The following CHRND variants were observed in gnomAD, a reference collection of about 807,000 sequenced individuals.
The protein encoded by CHRND is acetylcholine receptor subunit delta.
In CHRND, 40 loss-of-function variants were observed where a neutral mutation model predicts 57.8. The observed-to-expected ratio is 0.69, with a 90% CI of 0.54 to 0.90. The LOEUF (loss-of-function observed/expected upper bound fraction) is 0.90, where lower values mean the gene tolerates loss of function less well. CHRND is among the 40% of genes least tolerant of loss of function. CHRND has a pLI of 0.00. For synonymous variants in CHRND, 237 were observed against 270.6 expected (o/e 0.88, Z 1.22); for missense variants, 634 against 673.9 (o/e 0.94, Z 0.66).
rs1347024093 is a variant in CHRND, at chr2:232,536,051, T to G, written c.*739T>G. The G allele has an allele frequency of 1.3e-5, 6 of 454,140 alleles. No homozygotes were observed. In the East Asian group the frequency reaches 4.2e-4, roughly 32 times the overall value. 28.1% of individuals were successfully genotyped at this position (454,140 alleles called of 1,614,324 possible). On this transcript the variant is annotated 3_prime_UTR_variant, in exon 12 of 12. Coordinates refer to ENST00000258385, the MANE Select transcript of CHRND (RefSeq NM_000751.3). ...TTTGGGGCATACATATTCTAAAAAA[T>G]CATTCGTTGTTTCTCTGAAATTTGT... is the stretch of plus-strand genomic sequence containing the variant.
chr2:232,528,578 C>T lies in CHRND; in HGVS notation c.431C>T (p.Pro144Leu), dbSNP rs745504192. 4 of 1,614,142 alleles carry T rather than the reference C, an allele frequency of 2.5e-6. No homozygotes were observed. The Admixed American group carries it at 6.7e-5, about 27-fold the overall frequency. Residue 144 changes from proline (P) to leucine (L), a missense_variant, in exon 5 of 12, where the codon CCT (proline) becomes CTT (leucine). Pro to Leu is a moderately conservative substitution (Grantham distance 98, BLOSUM62 -3). Coordinates refer to ENST00000258385, the MANE Select transcript of CHRND (RefSeq NM_000751.3). ...YHYGFVYWLP[P>L]AIFRSSCPIS... ...TACGGCTTCGTGTACTGGCTGCCAC[C>T]TGCCATCTTCCGCTCCTCCTGCCCC...
chr2:232,530,361 T>C (rs998522722), intron 7 of CHRND, among the ~76,000 whole-genome samples: 4 of 152,202 alleles, frequency 2.6e-5, no homozygotes, highest in Non-Finnish European at 4.4e-5. Context: ...ATCTCCAAGA[T>C]GCTACTTCCC....
intron 11 of CHRND, 116 bp from the exon 12 acceptor site, chr2:232,535,014 C>T (rs1662883804): frequency 1.7e-6 from 2 of 1,212,014 alleles, no homozygotes; most frequent in East Asian, 2.4e-5. Flanking sequence ...AAGCCCGAGG[C>T]AGCCTCTGCA....
In CHRND at chr2:232,532,102, T is replaced by G. The variant is rs577839185; in HGVS notation, c.1047+446T>G. On this transcript the variant is annotated intron_variant, in intron 9 of 11. Transcript: ENST00000258385. ...GGAACCCAGGAGTTGGAGGTTGCAA[T>G]GTACTATGATCACAGTTGCACCCCA... Among the ~76,000 whole-genome samples, 45 of 151,390 alleles carry G rather than the reference T, an allele frequency of 3.0e-4. No individual in the cohort carries two copies. The Middle Eastern group carries it at 0.024, about 82-fold the overall frequency.
At chr2:232,532,495 A>AAAAAAG (rs984152991) in intron 9 of CHRND, among the ~76,000 whole-genome samples, 6 of 151,920 alleles carry the variant, frequency 3.9e-5, no homozygotes, top group African/African-American at 1.4e-4. Flanking sequence ...AAAAAAAAAA[A>AAAAAAG]AAAAATCTGG....
chr2:232,528,595 T>C lies in CHRND; in HGVS notation c.448T>C (p.Ser150Pro), dbSNP rs1277604906. The C allele has an allele frequency of 6.2e-7, 1 of 1,614,030 alleles. No individual in the cohort carries two copies. The highest frequency in any genetic ancestry group is 2.2e-5 in the East Asian group (1 of 44,886). ...GCTGCCACCTGCCATCTTCCGCTCC[T>C]CCTGCCCCATCTCTGTCACCTATTT... Reference protein sequence around the residue: ...YWLPPAIFRSSCPISVTYFPF... With the variant: ...YWLPPAIFRSPCPISVTYFPF... The change falls in exon 5 of 12, where the codon TCC (serine) becomes CCC (proline). Residue 150 changes from serine to proline, a missense_variant. Physicochemically the swap from Ser to Pro is moderately conservative, Grantham distance 74. Transcript: ENST00000258385.
In CHRND at chr2:232,528,193, G is replaced by T. The variant is rs1691552460; in HGVS notation, c.244-69G>T. On this transcript the variant is annotated intron_variant, in intron 3 of 11. Transcript: ENST00000258385. ...TCAGACCCTGTTCAGTCTTCTCTCA[G>T]GGAAGTGGGGGGAGCCAGGAGCCTG... 6.3e-6 allele frequency: 9 copies of T among 1,432,674 alleles called. No individual in the cohort carries two copies. The African/African-American group carries it at 7.0e-5, about 11-fold the overall frequency. The allele number at this position is 1,432,674 out of a possible 1,614,324, so 88.7% of individuals were successfully genotyped here.
At chr2:232,526,782 C>G (rs553565577) in intron 2 of CHRND, 108 bp downstream of exon 2, 2 of 1,174,610 alleles carry the variant, frequency 1.7e-6, no homozygotes, top group Non-Finnish European at 2.5e-6. Flanking sequence ...ATGGCCACTC[C>G]CTTCCTGGGA....
Position 232,527,578 on chromosome 2 carries a change from A to G in CHRND, c.243+133A>G, listed in dbSNP as rs1419920999. ...GCTGACACGGTGAAACCCCGTCTCT[A>G]CTAAAAATACAAAAAATTAGCTTGG... On this transcript the variant is annotated intron_variant, in intron 3 of 11. Coordinates refer to ENST00000258385, the MANE Select transcript of CHRND (RefSeq NM_000751.3). 1.4e-5 allele frequency: 10 copies of G among 717,502 alleles called. No homozygotes were observed. In the East Asian group the frequency reaches 1.8e-4, roughly 13 times the overall value. The allele number at this position is 717,502 out of a possible 1,614,324, so 44.4% of individuals were successfully genotyped here. A position where few individuals can be genotyped will look rare whatever the true frequency, so the allele number is the denominator to read the frequency against.
rs964539916 is a variant in CHRND at position 232,535,864 on chromosome 2, T to C, written c.*552T>C. ...TCTCTGCCTAGGTCCCTTTGGGAAG[T>C]TGAGGACTGGAGTGGAAAGGTCAGG... is the stretch of plus-strand genomic sequence containing the variant. On this transcript the variant is annotated 3_prime_UTR_variant, in exon 12 of 12. Transcript: ENST00000258385. 2.0e-5 allele frequency: 9 copies of C among 453,954 alleles called. No individual in the cohort carries two copies. Among genetic ancestry groups the C allele is most frequent in the African/African-American group, 1.6e-4 (8 of 49,974 alleles). 28.1% of individuals were successfully genotyped at this position (453,954 alleles called of 1,614,324 possible).
At chr2:232,534,922 C>T (rs1025838765) in intron 11 of CHRND, among the ~76,000 whole-genome samples, 4 of 152,182 alleles carry the variant, frequency 2.6e-5, no homozygotes, top group East Asian at 1.9e-4. Flanking sequence ...GGTCTGTTCC[C>T]GCCTCCTCAA....
chr2:232,536,325 G>A lies in CHRND; in HGVS notation c.*1013G>A. ...AGAAGTGATGGTACCTCACTTCCCA[G>A]ATTTGGTTAGGAAAGACACTATGGC... On this transcript the variant is annotated 3_prime_UTR_variant, in exon 12 of 12. Coordinates refer to ENST00000258385, the MANE Select transcript of CHRND (RefSeq NM_000751.3). 3 of 454,152 alleles carry A rather than the reference G, an allele frequency of 6.6e-6. No homozygotes were observed. The highest frequency in any genetic ancestry group is 1.6e-5 in the South Asian group (1 of 64,476). 28.1% of individuals were successfully genotyped at this position (454,152 alleles called of 1,614,324 possible).
chr2:232,531,303 C>T (rs1026784533), intron 7 of CHRND, 49 bp from the exon 8 acceptor site: 2 of 1,131,208 alleles, frequency 1.8e-6, no homozygotes, highest in Non-Finnish European at 2.5e-6. Flanking sequence ...CACAGCTGGA[C>T]CCTCTAGGAC....
At chr2:232,531,951 A>C (rs1691718002) in intron 9 of CHRND, among the ~76,000 whole-genome samples, 1 of 89,614 alleles carries the variant, frequency 1.1e-5, no homozygotes, top group Non-Finnish European at 2.8e-5. Context: ...TGTCTCAAAA[A>C]AAAAAAAAAA....
At position 232,526,596 on chromosome 2, in the gene CHRND, G is replaced by T. The variant is rs55921262; in HGVS notation, c.120G>T (p.Lys40Asn). The T allele has an allele frequency of 6.2e-7, 1 of 1,613,800 alleles. No individual in the cohort carries two copies. The highest frequency in any genetic ancestry group is 1.1e-5 in the South Asian group (1 of 91,084). ...TGTTTCAAGAGAAGGGCTACAACAA[G>T]GAGCTCCGGCCCGTGGCACACAAAG... ...RHLFQEKGYN[K>N]ELRPVAHKEE... is the part of the protein sequence containing the mutation. Residue 40 changes from lysine to asparagine, a missense_variant, in exon 2 of 12, where the codon AAG becomes AAT. Lys to Asn is a moderately conservative substitution (Grantham distance 94, BLOSUM62 0). Transcript: ENST00000258385.
chr2:232,528,153 CTT>C, intron 3 of CHRND, 107 bp from the exon 4 acceptor site: 1 of 1,058,376 alleles, frequency 9.4e-7, no homozygotes, highest in Non-Finnish European at 1.4e-6. Flanking sequence ...CCCCAAACCT[CTT>C]TTGTCACAGC....
chr2:232,534,483 C>T (rs1691818583), intron 11 of CHRND, 141 bp downstream of exon 11: 2 of 899,754 alleles, frequency 2.2e-6, no homozygotes, highest in African/African-American at 1.6e-5. Context: ...ATTCCAGGCC[C>T]CCCCGCCAGG....
At chr2:232,528,471 C>T (rs772628400) in intron 4 of CHRND, 30 bp from the exon 5 acceptor site, 2 of 1,613,914 alleles carry the variant, frequency 1.2e-6, no homozygotes, top group African/African-American at 1.3e-5. Context: ...GTGGCCAGAG[C>T]TCACTATGGT....
rs202209156 is a variant in CHRND, at chr2:232,530,136, G to A, written c.817G>A (p.Asp273Asn). The A allele has an allele frequency of 2.2e-4, 361 of 1,614,020 alleles. 2 individuals carry two copies. The highest frequency in any genetic ancestry group is 1.2e-3 in the Middle Eastern group (7 of 6,062). Reference protein sequence around the residue: ...MVNLVFYLPADSGEKTSVAIS... With the variant: ...MVNLVFYLPANSGEKTSVAIS... ...CAACCTGGTCTTCTACCTACCGGCT[G>A]ACAGTGAGCCTCCAGGCCCCGTCCC... The change falls in exon 7 of 12, where the codon GAC becomes AAC. Residue 273 changes from aspartate (D) to asparagine (N), a missense_variant. Coordinates refer to ENST00000258385, the MANE Select transcript of CHRND (RefSeq NM_000751.3).
Sources: allele counts gnomAD v4.1 joint callset (sites outside exome capture counted in the v4.1 genomes callset), GRCh38; gene constraint gnomAD v4.1.1; transcripts MANE v1.5; gene names NCBI Gene and HGNC (gene_info 2026-07-23, HGNC 2026-07-21).